The following IL4R variants were observed in gnomAD, a reference collection of about 807,000 sequenced individuals.
IL4R encodes the protein interleukin-4 receptor subunit alpha.
IL4R carries 17 observed loss-of-function variants against 41.5 expected under a neutral mutation model. That is an observed-to-expected ratio of 0.41 (90% CI 0.28 to 0.61). The LOEUF (loss-of-function observed/expected upper bound fraction) is 0.61. Ranked by LOEUF, IL4R falls within the 20% of genes least tolerant of loss-of-function variation. The pLI, the probability that IL4R is intolerant of heterozygous loss-of-function variation, is 0.31. For missense variants in IL4R, 974 were observed against 1,043.1 expected (o/e 0.93, Z 0.91); for synonymous variants, 402 against 422.9 (o/e 0.95, Z 0.61).
At chr16:27,326,059 C>T (rs1242404011) in intron 1 of IL4R, among the ~76,000 whole-genome samples, 2 of 152,156 alleles carry the variant, frequency 1.3e-5, no homozygotes, top group Non-Finnish European at 2.9e-5. Flanking sequence ...TCAGCCCCTT[C>T]TCAACCTCCC....
intron 1 of IL4R, among the ~76,000 whole-genome samples, chr16:27,319,435 AC>A (rs997636167): frequency 6.6e-6 from 1 of 152,200 alleles, no homozygotes; most frequent in African/African-American, 2.4e-5. Flanking sequence ...CTCAGTCCTC[AC>A]CATGGTGTTT....
At chr16:27,343,210 C>G (rs3024548) in intron 4 of IL4R, among the ~76,000 whole-genome samples, 75,932 of 152,044 alleles carry the variant, frequency 0.5, 19,692 homozygotes, top group African/African-American at 0.65. Flanking sequence ...CAGCATGCAG[C>G]GTTCACCAGT....
At chr16:27,317,713 A>G (rs1310008722) in intron 1 of IL4R, among the ~76,000 whole-genome samples, 1 of 152,166 alleles carries the variant, frequency 6.6e-6, no homozygotes, top group Non-Finnish European at 1.5e-5. Context: ...TTTAAATCGG[A>G]GCTGGCTACT....
intron 1 of IL4R, among the ~76,000 whole-genome samples, chr16:27,317,732 C>T (rs563275586): frequency 1.3e-5 from 2 of 152,310 alleles, no homozygotes; most frequent in African/African-American, 2.4e-5. Context: ...CTTCCCAGCT[C>T]TCCACTGTGT....
chr16:27,326,882 G>T (rs546167057), intron 1 of IL4R, among the ~76,000 whole-genome samples: 1 of 152,230 alleles, frequency 6.6e-6, no homozygotes, highest in Non-Finnish European at 1.5e-5. Context: ...TGGGGCCCTG[G>T]CCTGGCCTGC....
chr16:27,356,091 T>TG (rs200369149), intron 8 of IL4R, among the ~76,000 whole-genome samples, 184 bp downstream of exon 8: 2 of 127,790 alleles, frequency 1.6e-5, no homozygotes, highest in African/African-American at 7.8e-5. Flanking sequence ...TTTCTTTTTT[T>TG]TTTTTTTTTT....
At chr16:27,330,390 AAAAAAAAAAAG>A (rs2085079894) in intron 2 of IL4R, among the ~76,000 whole-genome samples, 192 bp downstream of exon 2, 1 of 151,178 alleles carries the variant, frequency 6.6e-6, no homozygotes, top group Middle Eastern at 3.2e-3. Context: ...CCATCTCAAA[AAAAAAAAAAAG>A]AAAAGAAAAA....
At position 27,322,426 on chromosome 16, in the gene IL4R, C is replaced by T. The variant is rs551928260; in HGVS notation, c.-151-7640C>T. On this transcript the variant is annotated intron_variant, in intron 1 of 10. Transcript: ENST00000395762. The stretch of plus-strand genomic sequence containing the variant: ...TCCTAGGTTCAAGCAGTCTGCCCAC[C>T]TCAGCCTCCCAAAGTGCTGGGATTA... Among the ~76,000 whole-genome samples, 3 of 152,302 alleles carry T rather than the reference C, an allele frequency of 2.0e-5. No individual in the cohort carries two copies. In the South Asian group the frequency reaches 6.2e-4, roughly 32 times the overall value.
In IL4R at chr16:27,362,761, G is replaced by C; in HGVS notation, c.1409G>C (p.Ser470Thr). 1 of 1,614,090 alleles carries C rather than the reference G, an allele frequency of 6.2e-7. No homozygotes were observed. The change falls in exon 11 of 11, where the codon AGT becomes ACT. Residue 470 changes from serine to threonine, a missense_variant. Physicochemically the swap from Ser to Thr is moderately conservative, Grantham distance 58. This residue lies in a region of IL4R where 682 missense variants were observed against 704.3 expected (regional missense o/e 0.97). Coordinates refer to ENST00000395762, the MANE Select transcript of IL4R (RefSeq NM_000418.4). ...GKEQPLHLEP[S>T]PPASPTQSPD... Reference sequence around the variant, plus strand: ...GAGCAGCCTCTCCACCTGGAGCCAAGTCCTCCTGCCAGCCCGACCCAGAGT... The same window carrying C: ...GAGCAGCCTCTCCACCTGGAGCCAACTCCTCCTGCCAGCCCGACCCAGAGT...
intron 1 of IL4R, among the ~76,000 whole-genome samples, chr16:27,322,414 C>T (rs1323043542): frequency 6.6e-6 from 1 of 152,106 alleles, no homozygotes; most frequent in African/African-American, 2.4e-5. Context: ...TAGGTTCAAG[C>T]AGTCTGCCCA....
At position 27,362,999 on chromosome 16, in the gene IL4R, C is replaced by G; in HGVS notation, c.1647C>G (p.Thr549=). Residue 549 remains threonine (T), a synonymous_variant, in exon 11 of 11, where the codon ACC becomes ACG. Transcript: ENST00000395762. ...CTGTGCCCCAACCTGAGCCAGAAAC[C>G]TGGGAGCAGATCCTCCGCCGAAATG... ...PTTVPQPEPE[T]WEQILRRNVL... 1 of 1,614,170 alleles carries G rather than the reference C, an allele frequency of 6.2e-7. No individual in the cohort carries two copies. The highest frequency in any genetic ancestry group is 8.5e-7 in the Non-Finnish European group (1 of 1,180,038).
intron 3 of IL4R, 44 bp from the exon 4 acceptor site, chr16:27,342,077 C>T (rs2085459199): frequency 1.9e-6 from 3 of 1,604,744 alleles, no homozygotes; most frequent in East Asian, 2.2e-5. Flanking sequence ...CCCCCTCACG[C>T]ATTGAGTTCC....
intron 8 of IL4R, among the ~76,000 whole-genome samples, chr16:27,358,300 A>G (rs1719950351): frequency 6.6e-6 from 1 of 152,266 alleles, no homozygotes; most frequent in African/African-American, 2.4e-5. Context: ...CCTCAGGGCC[A>G]GGCACAGTGA....
chr16:27,348,315 A>G (rs936818213), intron 6 of IL4R, among the ~76,000 whole-genome samples: 3 of 152,032 alleles, frequency 2.0e-5, no homozygotes, highest in East Asian at 1.9e-4. Flanking sequence ...TGTTTGGTCA[A>G]TAAATCTCCT....
intron 4 of IL4R, 134 bp from the exon 5 acceptor site, chr16:27,344,735 C>T: frequency 1.0e-6 from 1 of 962,842 alleles, no homozygotes; most frequent in East Asian, 2.6e-5. Context: ...TCCCAAGCCC[C>T]CAGATCTGTC....
At chr16:27,346,727 T>C in intron 6 of IL4R, 109 bp downstream of exon 6, 1 of 1,214,626 alleles carries the variant, frequency 8.2e-7, no homozygotes, top group East Asian at 2.3e-5. Flanking sequence ...GCCCTGGGGC[T>C]GGATAGCAAA....
At chr16:27,342,354 G>C in intron 4 of IL4R, 95 bp downstream of exon 4, 1 of 1,455,308 alleles carries the variant, frequency 6.9e-7, no homozygotes, top group Non-Finnish European at 9.5e-7. Flanking sequence ...TGGAGTGCAG[G>C]ATGCTGAGTA....
At chr16:27,321,490 C>G (rs1002822240) in intron 1 of IL4R, among the ~76,000 whole-genome samples, 6 of 152,226 alleles carry the variant, frequency 3.9e-5, no homozygotes, top group Non-Finnish European at 7.3e-5. Context: ...CTCCTTGGAT[C>G]TAGAGCTTAT....
chr16:27,322,154 A>G (rs1435229173), intron 1 of IL4R, among the ~76,000 whole-genome samples: 1 of 150,856 alleles, frequency 6.6e-6, no homozygotes, highest in African/African-American at 2.4e-5. Flanking sequence ...ATTACAATTC[A>G]CCATAATAGA....
Sources: gnomAD v4.1 joint callset for allele counts (sites outside exome capture counted in the v4.1 genomes callset) on GRCh38, gnomAD v4.1.1 for gene constraint, gnomAD v4.1.1 regional missense constraint, MANE v1.5 for transcripts, NCBI Gene and HGNC (gene_info 2026-07-23, HGNC 2026-07-21) for gene names.